Variants in PER2 observed in about 807,000 individuals in gnomAD.
PER2 encodes the protein period circadian regulator 2, also known as period circadian protein homolog 2.
PER2 carries 66 observed loss-of-function variants against 121.0 expected under a neutral mutation model. The ratio of observed to expected loss-of-function variants is 0.55; its 90% CI spans 0.45 to 0.67. The LOEUF (loss-of-function observed/expected upper bound fraction) is 0.67, where lower values mean the gene tolerates loss of function less well. PER2 is among the 30% of genes least tolerant of loss of function. The pLI, the probability that PER2 is intolerant of heterozygous loss-of-function variation, is 0.00. For missense variants in PER2, 1,521 were observed against 1,635.0 expected, an observed-to-expected ratio of 0.93 and a Z score of 1.20; for synonymous variants, 684 against 659.9, an observed-to-expected ratio of 1.04 and a Z score of -0.56.
At chr2:238,255,948 G>A in intron 17 of PER2, 37 bp from the exon 18 acceptor site, 4 of 1,613,150 alleles carry the variant, frequency 2.5e-6, no homozygotes, top group Non-Finnish European at 3.4e-6. Flanking sequence ...GTCCACACGT[G>A]CCCTGTTTAT....
chr2:238,298,055 C>T, the PER2 span, among the ~76,000 whole-genome samples: 10 of 128,736 alleles, frequency 7.8e-5, no homozygotes, highest in Non-Finnish European at 1.1e-4. Flanking sequence ...TTTTGTGATA[C>T]GGAGTCTCGC....
rs1329754340 is a variant in PER2, at chr2:238,268,161, G to C, written c.862C>G (p.Pro288Ala). Residue 288 changes from proline (P) to alanine (A), a missense_variant, in exon 8 of 23, where the codon CCC (proline) becomes GCC (alanine). Transcript: ENST00000254657. This position sits in a 1 kb window ranked among gnomAD's most constrained non-coding sequence, Gnocchi z 4.0. ...ACCAGGTAGGGCGTCATGCGGAAGG[G>C]GTGGTAGCGGATTTCATTCTCGTGG... is the stretch of plus-strand genomic sequence containing the variant. ...KSHENEIRYH[P>A]FRMTPYLVKV... is the part of the protein sequence containing the mutation. 1 of 1,614,094 alleles carries C rather than the reference G, an allele frequency of 6.2e-7. No homozygotes were observed. The highest frequency in any genetic ancestry group is 2.2e-5 in the East Asian group (1 of 44,884).
Position 238,268,865 on chromosome 2 carries a change from G to T in PER2, c.824+58C>A. ...GCCCCCCAGCCTCAAGCGGAGCAGT[G>T]CTGGGGTGAAATGTTTATACGGTTT... On this transcript the variant is annotated intron_variant, in intron 7 of 22. Transcript: ENST00000254657. This position sits in a 1 kb window ranked among gnomAD's most constrained non-coding sequence, Gnocchi z 4.0. The T allele has an allele frequency of 7.8e-7, 1 of 1,285,008 alleles. No homozygotes were observed. The highest frequency in any genetic ancestry group is 1.1e-6 in the Non-Finnish European group (1 of 879,558). 79.6% of individuals were successfully genotyped at this position (1,285,008 alleles called of 1,614,324 possible).
intron 5 of PER2, among the ~76,000 whole-genome samples, chr2:238,272,833 C>G (rs138030818): frequency 7.9e-5 from 12 of 152,330 alleles, no homozygotes; most frequent in African/African-American, 2.4e-4. Context: ...CACCCATGAG[C>G]TACAGGACAA....
intron 2 of PER2, among the ~76,000 whole-genome samples, chr2:238,277,401 G>A (rs1305942951): frequency 1.3e-5 from 2 of 152,074 alleles, no homozygotes; most frequent in East Asian, 1.9e-4. Context: ...GATAACAGGA[G>A]CCAGTTCCTT....
chr2:238,254,255 T>C (rs1478137211), intron 18 of PER2: 1 of 168,114 alleles, frequency 5.9e-6, no homozygotes, highest in East Asian at 1.7e-4. Flanking sequence ...CGAGTGCTGC[T>C]GAGTAAGGCA....
chr2:238,287,083 C>T (rs921890786), intron 1 of PER2, among the ~76,000 whole-genome samples: 1 of 152,262 alleles, frequency 6.6e-6, no homozygotes, highest in Non-Finnish European at 1.5e-5. Flanking sequence ...GAGGCCCAGA[C>T]TGGGAGCCAG....
Position 238,268,909 on chromosome 2 carries a change from G to A in PER2, c.824+14C>T, listed in dbSNP as rs2106314664. 1 of 1,596,288 alleles carries A rather than the reference G, an allele frequency of 6.3e-7. No individual in the cohort carries two copies. Among genetic ancestry groups the A allele is most frequent in the East Asian group, 2.2e-5 (1 of 44,806 alleles). ...ACGGTTTTCTAATTTAAGAAAACTG[G>A]GAACCAGGCTTACCTGACACGGCAA... is the stretch of plus-strand genomic sequence containing the variant. On this transcript the variant is annotated intron_variant, in intron 7 of 22. Coordinates refer to ENST00000254657, the MANE Select transcript of PER2 (RefSeq NM_022817.3). This position sits in a 1 kb window ranked among gnomAD's most constrained non-coding sequence, Gnocchi z 4.0.
intron 3 of PER2, 78 bp downstream of exon 3, chr2:238,277,053 T>A: frequency 1.8e-6 from 2 of 1,108,626 alleles, no homozygotes; most frequent in Non-Finnish European, 2.8e-6. Flanking sequence ...GCCACGTCAC[T>A]CCCAGAAAAC....
chr2:238,252,369 T>C lies in PER2; in HGVS notation c.3111+543A>G, dbSNP rs1695628977. Among the ~76,000 whole-genome samples the C allele has an allele frequency of 2.0e-5, 3 of 152,234 alleles. No homozygotes were observed. Among genetic ancestry groups the C allele is most frequent in the Admixed American group, 2.0e-4 (3 of 15,288 alleles). On this transcript the variant is annotated intron_variant, in intron 19 of 22. Transcript: ENST00000254657. This position sits in a 1 kb window ranked among gnomAD's most constrained non-coding sequence, Gnocchi z 4.2. ...CACTGCTGCTGGCGTTCCCACACAC[T>C]TGAGCTCGTTCAGAAACACAAGCGT...
At position 238,281,300 on chromosome 2, in the gene PER2, C is replaced by T. The variant is rs949389523; in HGVS notation, c.-19-3345G>A. 2.6e-5 allele frequency among the ~76,000 whole-genome samples: 4 copies of T among 152,168 alleles called. No individual in the cohort carries two copies. The East Asian group carries it at 7.7e-4, about 29-fold the overall frequency. Reference sequence around the variant, plus strand: ...TACAGGCGTGAGCCACCAGGCCCGGCCGTCTACATATATTAATAGCTTTGA... The same window carrying T: ...TACAGGCGTGAGCCACCAGGCCCGGTCGTCTACATATATTAATAGCTTTGA... On this transcript the variant is annotated intron_variant, in intron 1 of 22. Transcript: ENST00000254657.
intron 1 of PER2, among the ~76,000 whole-genome samples, chr2:238,282,446 C>T (rs1696657907): frequency 6.6e-6 from 1 of 152,184 alleles, no homozygotes; most frequent in African/African-American, 2.4e-5. Context: ...TGCTGGATCC[C>T]CAGGGCCTGG....
intron 6 of PER2, among the ~76,000 whole-genome samples, chr2:238,270,525 A>G (rs1042032094): frequency 1.3e-4 from 20 of 152,236 alleles, no homozygotes; most frequent in Non-Finnish European, 1.5e-4. Flanking sequence ...AATGATATAA[A>G]ATCAGCAGCT....
Position 238,260,018 on chromosome 2 carries a change from T to C in PER2, c.1578A>G (p.Arg526=), listed in dbSNP as rs778136354. The C allele has an allele frequency of 1.3e-6, 2 of 1,512,978 alleles. No homozygotes were observed. The highest frequency in any genetic ancestry group is 1.8e-6 in the Non-Finnish European group (2 of 1,093,016). 93.7% of individuals were successfully genotyped at this position (1,512,978 alleles called of 1,614,324 possible). A position where few individuals can be genotyped will look rare whatever the true frequency, so the allele number is the denominator to read the frequency against. ...CTCCAGATTCATGAGAATAATGACT[T>C]CTATTTTTGGTCTTGTTACCATTTT... ...ICKNGNKTKN[R]SHYSHESGEQ... is the part of the protein sequence containing the mutation. The change falls in exon 14 of 23, where the codon AGA becomes AGG. Residue 526 remains arginine, a synonymous_variant. Coordinates refer to ENST00000254657, the MANE Select transcript of PER2 (RefSeq NM_022817.3).
intron 2 of PER2, among the ~76,000 whole-genome samples, 183 bp from the exon 3 acceptor site, chr2:238,277,376 G>C (rs1696486777): frequency 6.6e-6 from 1 of 152,094 alleles, no homozygotes; most frequent in South Asian, 2.1e-4. Context: ...TAAGTACCAG[G>C]ACACAGAAAC....
intron 1 of PER2, among the ~76,000 whole-genome samples, chr2:238,282,629 G>A (rs1172864169): frequency 6.6e-6 from 1 of 152,254 alleles, no homozygotes; most frequent in Non-Finnish European, 1.5e-5. Flanking sequence ...CTCAGGCAGG[G>A]CCTGCCCGGT....
chr2:238,250,768 G>T, intron 20 of PER2, 25 bp from the exon 21 acceptor site: 2 of 1,520,318 alleles, frequency 1.3e-6, no homozygotes, highest in Non-Finnish European at 1.8e-6. Flanking sequence ...AACGTGGTGC[G>T]TCAAAACATT....
chr2:238,289,114 G>A (rs1011654750), upstream of PER2: 1 of 152,186 alleles, frequency 6.6e-6, no homozygotes, highest in Non-Finnish European at 1.5e-5. Flanking sequence ...ACCATTGCGG[G>A]CGGGGGAGCT....
At chr2:238,251,261 A>G (rs1328134097) in intron 20 of PER2, among the ~76,000 whole-genome samples, 2 of 152,246 alleles carry the variant, frequency 1.3e-5, no homozygotes, top group African/African-American at 2.4e-5. Flanking sequence ...AGAGGCTTGC[A>G]GGTGCTCCAT....
Sources: gnomAD v4.1 joint callset for allele counts (sites outside exome capture counted in the v4.1 genomes callset) on GRCh38, gnomAD v4.1.1 for gene constraint, Gnocchi (gnomAD v3.1) non-coding constraint, MANE v1.5 for transcripts, NCBI Gene and HGNC (gene_info 2026-07-23, HGNC 2026-07-21) for gene names.